The following OVOL2 variants were observed in gnomAD, a reference collection of about 807,000 sequenced individuals.
OVOL2 encodes the protein transcription factor Ovo-like 2.
A neutral mutation model predicts 18.1 loss-of-function variants in OVOL2; 13 were observed. That is an observed-to-expected ratio of 0.72 (90% confidence interval 0.47 to 1.14). OVOL2 has a LOEUF of 1.14. Ranked by LOEUF, OVOL2 falls within the 50% of genes most tolerant of loss-of-function variation. OVOL2 has a pLI of 0.00. For synonymous variants in OVOL2, 166 were observed against 162.7 expected, an observed-to-expected ratio of 1.02 and a Z score of -0.16; for missense variants, 335 against 383.0, an observed-to-expected ratio of 0.87 and a Z score of 1.05.
chr20:18,026,575 G>T (rs1185772098), intron 3 of OVOL2, among the ~76,000 whole-genome samples: 2 of 152,122 alleles, frequency 1.3e-5, no homozygotes, highest in Non-Finnish European at 2.9e-5. Context: ...TAGAGACGGG[G>T]TTTCACCATG....
chr20:18,048,914 G>C (rs1457490172), intron 2 of OVOL2, among the ~76,000 whole-genome samples: 1 of 152,044 alleles, frequency 6.6e-6, no homozygotes, highest in African/African-American at 2.4e-5. Context: ...TGCCAGGGGT[G>C]GTTTTTACAC....
At chr20:18,046,594 C>G (rs747900836) in intron 2 of OVOL2, among the ~76,000 whole-genome samples, 17 of 152,214 alleles carry the variant, frequency 1.1e-4, no homozygotes, top group Non-Finnish European at 5.9e-5. Flanking sequence ...AATAGGTTAA[C>G]TGGAACAGTA....
At chr20:18,034,787 C>T (rs11905507) in intron 3 of OVOL2, among the ~76,000 whole-genome samples, 24,165 of 152,056 alleles carry the variant, frequency 0.16, 3,112 homozygotes, top group African/African-American at 0.33. Flanking sequence ...TTCCCTGGAT[C>T]TTTTCCAAGA....
Position 18,024,801 on chromosome 20 carries a change from G to A in OVOL2, c.663C>T (p.Tyr221=). ...ACAGGTCCTCCTGGGTGGGGCCCGTGTAGCCGCAATCCTCGCAGACGTAGA... is the reference window on the plus strand; with the variant it reads ...ACAGGTCCTCCTGGGTGGGGCCCGTATAGCCGCAATCCTCGCAGACGTAGA... ...DKLYVCEDCG[Y]TGPTQEDLYL... Residue 221 remains tyrosine, a synonymous_variant, in exon 4 of 4, where the codon TAC becomes TAT. Transcript: ENST00000278780. 3 of 1,614,174 alleles carry A rather than the reference G, an allele frequency of 1.9e-6. No individual in the cohort carries two copies. Among genetic ancestry groups the A allele is most frequent in the Non-Finnish European group, 2.5e-6 (3 of 1,180,032 alleles).
chr20:18,040,653 G>C (rs1395724043), intron 3 of OVOL2, among the ~76,000 whole-genome samples: 1 of 152,140 alleles, frequency 6.6e-6, no homozygotes, highest in Non-Finnish European at 1.5e-5. Flanking sequence ...AAGAGGCCAA[G>C]GGCACCCCCA....
intron 2 of OVOL2, among the ~76,000 whole-genome samples, chr20:18,043,075 C>T (rs767339092): frequency 1.3e-5 from 2 of 152,188 alleles, no homozygotes; most frequent in African/African-American, 2.4e-5. Context: ...GGGGAGCAAA[C>T]GGTGCCTTCT....
chr20:18,049,705 C>T (rs982328348), intron 2 of OVOL2, among the ~76,000 whole-genome samples: 1 of 152,146 alleles, frequency 6.6e-6, no homozygotes, highest in Non-Finnish European at 1.5e-5. Flanking sequence ...GACTTGCCCA[C>T]GGCCACATGA....
In OVOL2 at chr20:18,024,707, G is replaced by C; in HGVS notation, c.757C>G (p.Leu253Val). The change falls in exon 4 of 4, where the codon CTT becomes GTT. Residue 253 changes from leucine to valine, a missense_variant. By Grantham distance (32) the Leu-to-Val change is conservative. Transcript: ENST00000278780. The part of the protein sequence containing the change: ...LKKTSKKLAA[L>V]LQGKLTSAHQ... ...GCGGATGTCAGCTTGCCCTGCAGAA[G>C]GGCTGCCAGTTTTTTAGATGTCTTT... 1 of 1,614,096 alleles carries C rather than the reference G, an allele frequency of 6.2e-7. No individual in the cohort carries two copies. Among genetic ancestry groups the C allele is most frequent in the Non-Finnish European group, 8.5e-7 (1 of 1,180,020 alleles).
intron 3 of OVOL2, among the ~76,000 whole-genome samples, chr20:18,035,538 T>G (rs1008300418): frequency 1.1e-4 from 17 of 152,222 alleles, no homozygotes; most frequent in African/African-American, 3.6e-4. Flanking sequence ...GCTGGTGAAG[T>G]TTGTTCACAT....
In OVOL2 at chr20:18,057,594, A is replaced by AC; in HGVS notation, c.40dup (p.Val14GlyfsTer8). On this transcript the variant is annotated frameshift_variant, in exon 1 of 4. Coordinates refer to ENST00000278780, the MANE Select transcript of OVOL2 (RefSeq NM_021220.4). LOFTEE classifies it high-confidence loss of function. This position sits in a 1 kb window ranked among gnomAD's most constrained non-coding sequence, Gnocchi z 6.3. ...GAGCTCATCCCAGCTGCGGACCGAG[A>AC]CCCCCAGGCTCCTCCTCTTCACCAG... The AC allele has an allele frequency of 6.3e-7, 1 of 1,596,324 alleles. No homozygotes were observed. Among genetic ancestry groups the AC allele is most frequent in the Non-Finnish European group, 8.5e-7 (1 of 1,171,616 alleles).
upstream of OVOL2, chr20:18,059,178 A>T (rs2036856311): frequency 3.3e-5 from 5 of 152,288 alleles, no homozygotes; most frequent in East Asian, 9.7e-4. Flanking sequence ...GCCCTTGGGG[A>T]CACAACCGCC....
chr20:18,027,993 G>A (rs923041346), intron 3 of OVOL2, among the ~76,000 whole-genome samples: 1 of 151,944 alleles, frequency 6.6e-6, no homozygotes, highest in African/African-American at 2.4e-5. Flanking sequence ...ATGGTACTGG[G>A]GGTGCATGGA....
At chr20:18,048,728 C>T (rs965325534) in intron 2 of OVOL2, among the ~76,000 whole-genome samples, 1 of 152,028 alleles carries the variant, frequency 6.6e-6, no homozygotes, top group African/African-American at 2.4e-5. Flanking sequence ...TAAAATAAAA[C>T]AAAACATATG....
intron 2 of OVOL2, among the ~76,000 whole-genome samples, chr20:18,053,165 G>A (rs1307054845): frequency 6.6e-6 from 1 of 152,186 alleles, no homozygotes; most frequent in Non-Finnish European, 1.5e-5. Flanking sequence ...ACACGATCAA[G>A]TTAGTGAATC....
chr20:18,037,469 C>A (rs1272740153), intron 3 of OVOL2, among the ~76,000 whole-genome samples: 1 of 152,254 alleles, frequency 6.6e-6, no homozygotes, highest in African/African-American at 2.4e-5. Flanking sequence ...GCCTGCAGGG[C>A]TGTGTTACTC....
intron 3 of OVOL2, among the ~76,000 whole-genome samples, chr20:18,029,552 A>G (rs556486890): frequency 1.3e-5 from 2 of 152,278 alleles, no homozygotes; most frequent in Admixed American, 6.5e-5. Flanking sequence ...GAAGGCTTAC[A>G]CTTGCCATTG....
intron 3 of OVOL2, among the ~76,000 whole-genome samples, chr20:18,025,438 G>T (rs531637175): frequency 6.6e-6 from 1 of 151,976 alleles, no homozygotes; most frequent in Admixed American, 6.6e-5. Flanking sequence ...GCATGGTGGC[G>T]CGCACCCATA....
intron 3 of OVOL2, among the ~76,000 whole-genome samples, 190 bp from the exon 4 acceptor site, chr20:18,025,142 T>C (rs765910945): frequency 1.3e-5 from 2 of 152,124 alleles, no homozygotes; most frequent in African/African-American, 2.4e-5. Flanking sequence ...CACAAACAGA[T>C]GCCAACATAG....
intron 2 of OVOL2, among the ~76,000 whole-genome samples, chr20:18,044,000 G>A (rs2036701005): frequency 6.6e-6 from 1 of 152,072 alleles, no homozygotes; most frequent in Non-Finnish European, 1.5e-5. Flanking sequence ...TCCACCCTGG[G>A]TATTGCCCTC....
Sources: gnomAD v4.1 joint callset for allele counts (sites outside exome capture counted in the v4.1 genomes callset) on GRCh38, gnomAD v4.1.1 for gene constraint, Gnocchi (gnomAD v3.1) non-coding constraint, MANE v1.5 for transcripts, NCBI Gene and HGNC (gene_info 2026-07-23, HGNC 2026-07-21) for gene names.